ANO6: variants seen among roughly 807,000 people sequenced by gnomAD.
ANO6 encodes anoctamin-6.
A neutral mutation model predicts 117.5 loss-of-function variants in ANO6; 106 were observed. The observed-to-expected ratio is 0.90, with a 90% CI of 0.77 to 1.06. ANO6 has a LOEUF of 1.06. ANO6 is among the 50% of genes least tolerant of loss of function. ANO6 has a pLI of 0.00. For missense variants in ANO6, 955 were observed against 1,121.1 expected, an observed-to-expected ratio of 0.85 and a Z score of 2.12; for synonymous variants, 367 against 385.1, an observed-to-expected ratio of 0.95 and a Z score of 0.55.
downstream of ANO6, among the ~76,000 whole-genome samples, chr12:45,434,589 G>A (rs536668899): frequency 5.3e-5 from 8 of 152,298 alleles, no homozygotes; most frequent in South Asian, 1.7e-3. Context: ...AGGAAGGAGG[G>A]AGGCAGTGCA....
chr12:45,233,827 A>G (rs890746221), intron 1 of ANO6, among the ~76,000 whole-genome samples: 1 of 152,092 alleles, frequency 6.6e-6, no homozygotes, highest in Non-Finnish European at 1.5e-5. Flanking sequence ...CCATAAATTG[A>G]TTTTGCCCAT....
In ANO6 at chr12:45,396,046, C is replaced by T. The variant is rs574534327; in HGVS notation, c.1386+5548C>T. Reference sequence around the variant, plus strand: ...GTATTCAATTAGGAAATGAGGAAATCAAATTGTCCCTGTTTGCAGATGACA... The same window carrying T: ...GTATTCAATTAGGAAATGAGGAAATTAAATTGTCCCTGTTTGCAGATGACA... On this transcript the variant is annotated intron_variant, in intron 12 of 19. Coordinates refer to ENST00000320560, the MANE Select transcript of ANO6 (RefSeq NM_001025356.3). Among the ~76,000 whole-genome samples the T allele has an allele frequency of 9.3e-4, 141 of 152,262 alleles. 1 individual carries two copies. In the South Asian group the frequency reaches 0.011, roughly 12 times the overall value.
intron 9 of ANO6, among the ~76,000 whole-genome samples, chr12:45,369,368 G>C (rs993335584): frequency 6.6e-6 from 1 of 152,190 alleles, no homozygotes; most frequent in Non-Finnish European, 1.5e-5. Context: ...CTACAAAGAT[G>C]CAAGTGGAAG....
intron 15 of ANO6, among the ~76,000 whole-genome samples, chr12:45,408,633 A>C (rs1943007268): frequency 6.6e-6 from 1 of 152,016 alleles, no homozygotes; most frequent in African/African-American, 2.4e-5. Context: ...TTAAAATAGG[A>C]ATTGGACCTA....
In ANO6 at chr12:45,306,966, G is replaced by A. The variant is rs183583638; in HGVS notation, c.150+4873G>A. On this transcript the variant is annotated intron_variant, in intron 2 of 19. Coordinates refer to ENST00000320560, the MANE Select transcript of ANO6 (RefSeq NM_001025356.3). The stretch of plus-strand genomic sequence containing the variant: ...TGGAGGAAGAGCATTCCCAGCAGAA[G>A]GAGTAGCATAAACAGGTTTCGAGGT... Among the ~76,000 whole-genome samples the A allele has an allele frequency of 2.9e-4, 44 of 152,172 alleles. No individual in the cohort carries two copies. The East Asian group carries it at 7.0e-3, about 24-fold the overall frequency.
chr12:45,403,614 T>A lies in ANO6; in HGVS notation c.1880+78T>A, dbSNP rs892449092. ...CATCCACACAAATCATTTGCCTACA[T>A]AGCCACATAGCCACATAGCTGCATG... On this transcript the variant is annotated intron_variant, in intron 15 of 19. Transcript: ENST00000320560. 3 of 821,022 alleles carry A rather than the reference T, an allele frequency of 3.7e-6. No homozygotes were observed. In the African/African-American group the frequency reaches 8.3e-5, roughly 23 times the overall value. 50.9% of individuals were successfully genotyped at this position (821,022 alleles called of 1,614,324 possible).
intron 12 of ANO6, among the ~76,000 whole-genome samples, chr12:45,395,149 T>C (rs1942574612): frequency 6.6e-6 from 1 of 152,074 alleles, no homozygotes; most frequent in Non-Finnish European, 1.5e-5. Flanking sequence ...TAAAAAATGA[T>C]AAAGGGGATA....
At chr12:45,326,552 G>T in intron 2 of ANO6, among the ~76,000 whole-genome samples, 1 of 152,228 alleles carries the variant, frequency 6.6e-6, no homozygotes, top group South Asian at 2.1e-4. Context: ...CCACATTCCA[G>T]TTGAGTGTCC....
At chr12:45,384,144 C>T (rs1392968596) in intron 10 of ANO6, among the ~76,000 whole-genome samples, 1 of 152,202 alleles carries the variant, frequency 6.6e-6, no homozygotes, top group African/African-American at 2.4e-5. Context: ...ATGAACCAAC[C>T]TCTGCTAGCT....
rs1592023515 is a variant in ANO6 at position 45,403,192 on chromosome 12, G to A, written c.1733G>A (p.Gly578Asp). The A allele has an allele frequency of 6.2e-7, 1 of 1,613,930 alleles. No individual in the cohort carries two copies. The highest frequency in any genetic ancestry group is 1.1e-5 in the South Asian group (1 of 91,068). ...GCATTCTTTAAGGGCAAATTTGTAG[G>A]CTATCCAGGAGACCCAGTTTATTGG... ...YIAFFKGKFV[G>D]YPGDPVYWLG... The change falls in exon 14 of 20, where the codon GGC becomes GAC. Residue 578 changes from glycine (G) to aspartate (D), a missense_variant. Gly to Asp is a moderately conservative substitution (Grantham distance 94). Coordinates refer to ENST00000320560, the MANE Select transcript of ANO6 (RefSeq NM_001025356.3).
At chr12:45,302,196 A>G (rs2137307588) in intron 2 of ANO6, 103 bp downstream of exon 2, 3 of 1,001,288 alleles carry the variant, frequency 3.0e-6, no homozygotes, top group South Asian at 2.6e-5. Context: ...CAATGGCTGT[A>G]GATCCTACAT....
intron 1 of ANO6, among the ~76,000 whole-genome samples, chr12:45,290,993 T>C (rs1001924901): frequency 6.6e-6 from 1 of 152,158 alleles, no homozygotes; most frequent in Admixed American, 6.6e-5. Context: ...CACATGTCAA[T>C]GGCCCAACTG....
In ANO6 at chr12:45,228,315, T is replaced by TTTTA. The variant is rs1555157330; in HGVS notation, c.70+11926_70+11927insTATT. On this transcript the variant is annotated intron_variant, in intron 1 of 19. Transcript: ENST00000320560. ...CCTTTTTTTTTTTTTTTTTTTTTTT[T>TTTTA]TTATTATTAGAGATTGGTCTCACTA... 737 of 292,406 alleles carry TTTTA rather than the reference T, an allele frequency of 2.5e-3. 16 individuals carry two copies. The highest frequency in any genetic ancestry group is 0.019 in the African/African-American group (696 of 36,840). The allele number at this position is 292,406 out of a possible 1,614,324, so 18.1% of individuals were successfully genotyped here. A position where few individuals can be genotyped will look rare whatever the true frequency, so the allele number is the denominator to read the frequency against.
At position 45,331,404 on chromosome 12, in the gene ANO6, G is replaced by A. The variant is rs779014168; in HGVS notation, c.260G>A (p.Gly87Asp). Residue 87 changes from glycine (G) to aspartate (D), a missense_variant, in exon 3 of 20, where the codon GGT becomes GAT. Physicochemically the swap from Gly to Asp is moderately conservative, Grantham distance 94. Coordinates refer to ENST00000320560, the MANE Select transcript of ANO6 (RefSeq NM_001025356.3). ...DESRKETNKK[G>D]TNEKQRRKRQ... ...AGCAGAAAAGAGACCAATAAAAAGG[G>A]TACAAATGAAAAACAAAGGGTAAGT... 4 of 1,604,250 alleles carry A rather than the reference G, an allele frequency of 2.5e-6. No homozygotes were observed. Among genetic ancestry groups the A allele is most frequent in the East Asian group, 4.5e-5 (2 of 44,586 alleles).
At chr12:45,295,127 T>C (rs1250297511) in intron 1 of ANO6, among the ~76,000 whole-genome samples, 1 of 152,218 alleles carries the variant, frequency 6.6e-6, no homozygotes, top group Non-Finnish European at 1.5e-5. Context: ...TTGTCCTGTG[T>C]AGCAATACAT....
At chr12:45,263,367 CTTTTTTT>C (rs72457782) in intron 1 of ANO6, among the ~76,000 whole-genome samples, 7 of 79,178 alleles carry the variant, frequency 8.8e-5, no homozygotes, top group African/African-American at 3.5e-4. Context: ...CTGGCCTGGC[CTTTTTTT>C]TTTTTTTTTT....
At chr12:45,428,658 T>A (rs574052620) in intron 19 of ANO6, among the ~76,000 whole-genome samples, 1 of 152,172 alleles carries the variant, frequency 6.6e-6, no homozygotes, top group Non-Finnish European at 1.5e-5. Context: ...ATTTTGGGGG[T>A]ATATATACAT....
intron 19 of ANO6, among the ~76,000 whole-genome samples, chr12:45,427,052 G>C (rs1239722735): frequency 1.3e-5 from 2 of 151,900 alleles, no homozygotes; most frequent in Admixed American, 1.3e-4. Flanking sequence ...CCCATCCACA[G>C]TATTTCCCTC....
downstream of ANO6, among the ~76,000 whole-genome samples, chr12:45,433,966 A>T (rs779525442): frequency 8.5e-5 from 13 of 152,248 alleles, no homozygotes; most frequent in Admixed American, 4.6e-4. Flanking sequence ...AAACAAAGAT[A>T]AGACAGGTAG....
Sources: allele counts gnomAD v4.1 joint callset (sites outside exome capture counted in the v4.1 genomes callset), GRCh38; gene constraint gnomAD v4.1.1; transcripts MANE v1.5; gene names NCBI Gene and HGNC (gene_info 2026-07-23, HGNC 2026-07-21).